PIK3C2G: variants seen among roughly 807,000 people sequenced by gnomAD.
The protein encoded by PIK3C2G is phosphatidylinositol-4-phosphate 3-kinase catalytic subunit type 2 gamma, also known as phosphatidylinositol 3-kinase C2 domain-containing subunit gamma.
PIK3C2G carries 168 observed loss-of-function variants against 181.1 expected under a neutral mutation model. The ratio of observed to expected loss-of-function variants is 0.93; its 90% confidence interval spans 0.82 to 1.05. The LOEUF (loss-of-function observed/expected upper bound fraction) is 1.05, where lower values mean the gene tolerates loss of function less well. Among genes scored for constraint, PIK3C2G ranks in the 50% least tolerant of loss-of-function variants. The pLI is 0.00. For synonymous variants in PIK3C2G, 573 were observed against 592.2 expected (o/e 0.97, Z 0.47); for missense variants, 1,869 against 1,732.8 (o/e 1.08, Z -1.40).
chr12:18,346,649 G>A lies in PIK3C2G; in HGVS notation c.1438G>A (p.Glu480Lys), dbSNP rs748000794. The A allele has an allele frequency of 6.3e-7, 1 of 1,595,558 alleles. No individual in the cohort carries two copies. The highest frequency in any genetic ancestry group is 8.6e-7 in the Non-Finnish European group (1 of 1,168,554). The change falls in exon 11 of 33, where the codon GAG (glutamate) becomes AAG (lysine). Residue 480 changes from glutamate (E) to lysine (K), a missense_variant. Transcript: ENST00000538779. ...SSETSAKGLI[E>K]KVTTELSTSI... The stretch of plus-strand genomic sequence containing the variant: ...TATCTCTTCCTTTCTAGGCTTGATA[G>A]AGAAGGTAACAACTGAACTATCCAC...
chr12:18,278,092 A>G (rs892957856), intron 1 of PIK3C2G, among the ~76,000 whole-genome samples: 1 of 152,154 alleles, frequency 6.6e-6, no homozygotes, highest in East Asian at 1.9e-4. Flanking sequence ...TTCAGTTCAT[A>G]TATTGTATTT....
At chr12:18,459,824 C>T (rs1333793238) in intron 18 of PIK3C2G, among the ~76,000 whole-genome samples, 1 of 152,136 alleles carries the variant, frequency 6.6e-6, no homozygotes, top group Non-Finnish European at 1.5e-5. Flanking sequence ...TGCAGTGGCC[C>T]AATCTCGGCT....
At chr12:18,356,719 C>T (rs4643122) in intron 11 of PIK3C2G, among the ~76,000 whole-genome samples, 79,802 of 151,700 alleles carry the variant, frequency 0.53, 21,556 homozygotes, top group African/African-American at 0.65. Flanking sequence ...TCCTGGAGTT[C>T]GGCCATCGCT....
chr12:18,264,946 T>A (rs759429268), intron 1 of PIK3C2G, among the ~76,000 whole-genome samples: 2 of 152,220 alleles, frequency 1.3e-5, no homozygotes, highest in Non-Finnish European at 2.9e-5. Context: ...TCTGAACATT[T>A]GCTCACTCAG....
chr12:18,246,465 C>G (rs1948040982), upstream of PIK3C2G, among the ~76,000 whole-genome samples: 1 of 151,842 alleles, frequency 6.6e-6, no homozygotes, highest in Non-Finnish European at 1.5e-5. Flanking sequence ...GTAGAAAGCA[C>G]AATTTTCAAA....
chr12:18,256,201 G>A (rs1047420499), intron 1 of PIK3C2G, among the ~76,000 whole-genome samples: 5 of 152,012 alleles, frequency 3.3e-5, no homozygotes, highest in African/African-American at 1.2e-4. Flanking sequence ...AAAACCAGTA[G>A]TGGGGCATGG....
Position 18,607,211 on chromosome 12 carries a change from A to G in PIK3C2G, c.4088-2324A>G, listed in dbSNP as rs10450672. 2,009 of 514,480 alleles carry G rather than the reference A, an allele frequency of 3.9e-3. 35 individuals carry two copies. Among genetic ancestry groups the G allele is most frequent in the African/African-American group, 0.036 (1,856 of 51,894 alleles). The allele number at this position is 514,480 out of a possible 1,614,324, so 31.9% of individuals were successfully genotyped here. Reference sequence around the variant, plus strand: ...AGTTCAATAGACAAAAATGGTTAACAAAATGATTTTAATTGAAAGGAATAA... The same window carrying G: ...AGTTCAATAGACAAAAATGGTTAACGAAATGATTTTAATTGAAAGGAATAA... On this transcript the variant is annotated intron_variant, in intron 30 of 32. Transcript: ENST00000538779.
At chr12:18,705,044 C>T in the PIK3C2G span, 1 of 1,232,292 alleles carries the variant, frequency 8.1e-7, no homozygotes, top group Non-Finnish European at 1.2e-6. Context: ...AAATAAACCT[C>T]TATACGTGAT....
chr12:18,516,504 CTGAACAAT>C, intron 24 of PIK3C2G, among the ~76,000 whole-genome samples: 1 of 152,124 alleles, frequency 6.6e-6, no homozygotes, highest in Middle Eastern at 3.4e-3. Context: ...CTTCCTCTAC[CTGAACAAT>C]GTCATAGATT....
chr12:18,369,982 T>A (rs1941929357), intron 12 of PIK3C2G, among the ~76,000 whole-genome samples: 1 of 108,804 alleles, frequency 9.2e-6, no homozygotes, highest in Admixed American at 1.0e-4. Context: ...TATGATCATA[T>A]AACGATCGTA....
intron 9 of PIK3C2G, among the ~76,000 whole-genome samples, chr12:18,342,820 C>G (rs1427405200): frequency 6.6e-6 from 1 of 151,648 alleles, no homozygotes; most frequent in Non-Finnish European, 1.5e-5. Flanking sequence ...AGATATGACT[C>G]AAGATATTTT....
chr12:18,653,478 C>G, the PIK3C2G span, among the ~76,000 whole-genome samples: 662 of 152,254 alleles, frequency 4.3e-3, 5 homozygotes, highest in Non-Finnish European at 6.7e-3. Context: ...TGACTGAATT[C>G]AAAATGTGTT....
intron 18 of PIK3C2G, among the ~76,000 whole-genome samples, chr12:18,451,483 C>A (rs1947357991): frequency 6.6e-6 from 1 of 152,130 alleles, no homozygotes; most frequent in African/African-American, 2.4e-5. Flanking sequence ...TGGGCTCACA[C>A]AATGGGGTTT....
chr12:18,643,244 A>G (rs573534945), intron 32 of PIK3C2G, among the ~76,000 whole-genome samples: 2 of 152,290 alleles, frequency 1.3e-5, no homozygotes, highest in East Asian at 1.9e-4. Flanking sequence ...TCACACATCC[A>G]TAACCCACTG....
the PIK3C2G span, chr12:18,701,351 A>G: frequency 2.1e-6 from 3 of 1,400,186 alleles, no homozygotes; most frequent in Admixed American, 2.6e-5. Context: ...ATCTTCCACC[A>G]TCGATGTTTT....
At chr12:18,608,052 C>CAGGATGTGG (rs78659000) in intron 30 of PIK3C2G, among the ~76,000 whole-genome samples, 1 of 151,836 alleles carries the variant, frequency 6.6e-6, no homozygotes, top group African/African-American at 2.4e-5. Flanking sequence ...CAGGAAACAA[C>CAGGATGTGG]AGGATGTGGA....
the PIK3C2G span, among the ~76,000 whole-genome samples, chr12:18,726,528 C>T: frequency 3.9e-5 from 6 of 152,154 alleles, no homozygotes; most frequent in South Asian, 2.1e-4. Flanking sequence ...AATTACTATA[C>T]GTTTAAATGA....
intron 9 of PIK3C2G, among the ~76,000 whole-genome samples, chr12:18,342,774 C>CA (rs1018895398): frequency 1.7e-4 from 25 of 150,718 alleles, no homozygotes; most frequent in African/African-American, 6.1e-4. Context: ...AAATGAAAAC[C>CA]AAAAAAATAG....
At chr12:18,394,723 G>T (rs543846632) in intron 15 of PIK3C2G, among the ~76,000 whole-genome samples, 1 of 152,022 alleles carries the variant, frequency 6.6e-6, no homozygotes, top group African/African-American at 2.4e-5. Flanking sequence ...TGAGCTTGAA[G>T]ACAGGGCAAT....
Sources: allele counts gnomAD v4.1 joint callset (sites outside exome capture counted in the v4.1 genomes callset), GRCh38; gene constraint gnomAD v4.1.1; transcripts MANE v1.5; gene names NCBI Gene and HGNC (gene_info 2026-07-23, HGNC 2026-07-21).